CFAP20DC: variants seen among roughly 807,000 people sequenced by gnomAD.
CFAP20DC encodes the protein CFAP20 domain containing, also known as protein CFAP20DC.
Under a neutral mutation model 101.7 loss-of-function variants are expected in CFAP20DC, and 84 were observed. The ratio of observed to expected loss-of-function variants is 0.83; its 90% confidence interval spans 0.69 to 0.99. The LOEUF is 0.99. CFAP20DC is among the 50% of genes least tolerant of loss of function. The pLI is 0.00. For synonymous variants in CFAP20DC, 359 were observed against 351.2 expected (o/e 1.02, Z -0.25); for missense variants, 1,007 against 970.3 (o/e 1.04, Z -0.50).
chr3:58,921,069 A>C (rs922715409), intron 5 of CFAP20DC, among the ~76,000 whole-genome samples: 1 of 152,096 alleles, frequency 6.6e-6, no homozygotes, highest in Non-Finnish European at 1.5e-5. Flanking sequence ...CTGGCATAAA[A>C]TTGTTAATAA....
intron 13 of CFAP20DC, among the ~76,000 whole-genome samples, chr3:58,837,499 C>G (rs985442884): frequency 8.5e-5 from 13 of 152,116 alleles, no homozygotes; most frequent in African/African-American, 3.1e-4. Flanking sequence ...TTCTGGGGTA[C>G]TGATCTTGCT....
At chr3:58,903,697 A>G (rs1365762346) in intron 6 of CFAP20DC, among the ~76,000 whole-genome samples, 1 of 152,178 alleles carries the variant, frequency 6.6e-6, no homozygotes, top group Non-Finnish European at 1.5e-5. Context: ...TCACAAGAAG[A>G]GCATGAGGGT....
intron 4 of CFAP20DC, among the ~76,000 whole-genome samples, chr3:59,010,558 C>A (rs866968161): frequency 1.3e-5 from 2 of 152,038 alleles, no homozygotes; most frequent in African/African-American, 2.4e-5. Flanking sequence ...CAAATTCATA[C>A]AACAATTACT....
chr3:58,850,050 A>T (rs1186955682), intron 12 of CFAP20DC, among the ~76,000 whole-genome samples: 1 of 152,218 alleles, frequency 6.6e-6, no homozygotes. Flanking sequence ...AATGAAAGCT[A>T]CAATAATTTT....
At chr3:58,846,339 C>T (rs1381973157) in intron 13 of CFAP20DC, among the ~76,000 whole-genome samples, 2 of 150,758 alleles carry the variant, frequency 1.3e-5, no homozygotes, top group Non-Finnish European at 3.0e-5. Flanking sequence ...AATCAATGTA[C>T]AAAAATCACA....
intron 16 of CFAP20DC, among the ~76,000 whole-genome samples, chr3:58,752,089 T>C (rs570713565): frequency 1.1e-4 from 17 of 152,278 alleles, no homozygotes; most frequent in Non-Finnish European, 2.1e-4. Flanking sequence ...TATCTCAGCA[T>C]ACTGGTTAAG....
intron 12 of CFAP20DC, among the ~76,000 whole-genome samples, chr3:58,850,008 C>T (rs1031717750): frequency 6.6e-6 from 1 of 151,924 alleles, no homozygotes; most frequent in African/African-American, 2.4e-5. Flanking sequence ...AAAATATGAA[C>T]GTCATTAAAT....
chr3:58,873,903 T>C (rs543465347), intron 7 of CFAP20DC, among the ~76,000 whole-genome samples: 7 of 151,952 alleles, frequency 4.6e-5, no homozygotes, highest in South Asian at 2.1e-4. Context: ...GAAGTCTGGA[T>C]AGCTGTTCTA....
intron 4 of CFAP20DC, among the ~76,000 whole-genome samples, chr3:58,965,894 T>A (rs1038724980): frequency 2.6e-5 from 4 of 152,220 alleles, no homozygotes; most frequent in East Asian, 3.9e-4. Context: ...TATTACTGAA[T>A]GTTATTGTAT....
rs2067907060 is a variant in CFAP20DC at position 58,742,099 on chromosome 3, A to T, written c.*361T>A. 1.0e-6 allele frequency: 1 copy of T among 962,098 alleles called. No individual in the cohort carries two copies. The highest frequency in any genetic ancestry group is 6.1e-5 in the Admixed American group (1 of 16,268). 59.6% of individuals were successfully genotyped at this position (962,098 alleles called of 1,614,324 possible). ...TTAAGCAAAAATACATTTTCTGTAC[A>T]TCAAGCCATCATTTACAGATTAACA... is the stretch of plus-strand genomic sequence containing the variant. On this transcript the variant is annotated 3_prime_UTR_variant, in exon 17 of 17. Coordinates refer to ENST00000482387, the MANE Select transcript of CFAP20DC (RefSeq NM_001394063.1).
intron 4 of CFAP20DC, among the ~76,000 whole-genome samples, chr3:58,991,621 G>T (rs1232248046): frequency 6.6e-6 from 1 of 152,148 alleles, no homozygotes; most frequent in Admixed American, 6.5e-5. Context: ...ATGGTTTCAG[G>T]ATGAAACTGT....
downstream of CFAP20DC, among the ~76,000 whole-genome samples, chr3:58,740,006 G>A (rs573214225): frequency 8.5e-5 from 13 of 152,102 alleles, no homozygotes; most frequent in Non-Finnish European, 1.9e-4. This position sits in a 1 kb window ranked among gnomAD's most constrained non-coding sequence, Gnocchi z 4.6. Flanking sequence ...GGTCCTGGTG[G>A]CCCCTGGAAC....
At chr3:58,902,160 T>G (rs186969326) in intron 6 of CFAP20DC, among the ~76,000 whole-genome samples, 2 of 151,990 alleles carry the variant, frequency 1.3e-5, no homozygotes, top group Admixed American at 1.3e-4. Context: ...TATTCCACTG[T>G]AATACATACA....
intron 14 of CFAP20DC, among the ~76,000 whole-genome samples, chr3:58,811,235 C>T (rs1057494598): frequency 1.3e-5 from 2 of 152,096 alleles, no homozygotes; most frequent in Non-Finnish European, 2.9e-5. Flanking sequence ...AAAAAAGAGC[C>T]CGCATTGCCA....
intron 4 of CFAP20DC, among the ~76,000 whole-genome samples, chr3:59,011,397 CAA>C (rs371802860): frequency 9.6e-5 from 11 of 114,760 alleles, no homozygotes; most frequent in Non-Finnish European, 1.1e-4. Context: ...GGCTCCATCT[CAA>C]AAAAAAAAAA....
intron 6 of CFAP20DC, among the ~76,000 whole-genome samples, chr3:58,904,304 A>T (rs898149006): frequency 1.6e-4 from 24 of 151,930 alleles, no homozygotes; most frequent in African/African-American, 5.8e-4. Context: ...TATTTTATAA[A>T]TGTTTAATTT....
chr3:58,811,917 A>C (rs1486130499), intron 14 of CFAP20DC, among the ~76,000 whole-genome samples: 1 of 152,182 alleles, frequency 6.6e-6, no homozygotes, highest in African/African-American at 2.4e-5. Flanking sequence ...ACACTTCTCA[A>C]AAGAGACATT....
intron 4 of CFAP20DC, among the ~76,000 whole-genome samples, chr3:58,961,931 A>G (rs1252179609): frequency 6.6e-6 from 1 of 152,146 alleles, no homozygotes; most frequent in East Asian, 1.9e-4. Flanking sequence ...GGACAGTTTA[A>G]CAAAAGGTTT....
At chr3:58,807,707 G>A (rs1437379679) in intron 14 of CFAP20DC, among the ~76,000 whole-genome samples, 1 of 152,232 alleles carries the variant, frequency 6.6e-6, no homozygotes, top group Non-Finnish European at 1.5e-5. Flanking sequence ...GAACAAAGCT[G>A]GATGGAGAAT....
Sources: allele counts gnomAD v4.1 joint callset (sites outside exome capture counted in the v4.1 genomes callset), GRCh38; gene constraint gnomAD v4.1.1; non-coding constraint Gnocchi (gnomAD v3.1); transcripts MANE v1.5; gene names NCBI Gene and HGNC (gene_info 2026-07-23, HGNC 2026-07-21).